Variants in CLIC4 observed in about 807,000 individuals in gnomAD.
CLIC4 encodes the protein chloride intracellular channel protein 4.
CLIC4 carries 13 observed loss-of-function variants against 24.6 expected under a neutral mutation model. The ratio of observed to expected loss-of-function variants is 0.53; its 90% CI spans 0.34 to 0.84. The LOEUF is 0.84. Ranked by LOEUF, CLIC4 falls within the 40% of genes least tolerant of loss-of-function variation. CLIC4 has a pLI of 0.01. For missense variants in CLIC4, 227 were observed against 301.7 expected (o/e 0.75, Z 1.83); for synonymous variants, 104 against 111.3 (o/e 0.93, Z 0.41).
intron 1 of CLIC4, among the ~76,000 whole-genome samples, chr1:24,767,922 C>T (rs1052215691): frequency 1.9e-4 from 29 of 152,064 alleles, no homozygotes; most frequent in African/African-American, 6.7e-4. Flanking sequence ...CGGCTAACTA[C>T]AACCTCTGCC....
In CLIC4 at chr1:24,797,732, T is replaced by C. The variant is rs369903962; in HGVS notation, c.73-10T>C. The C allele has an allele frequency of 4.4e-6, 7 of 1,587,408 alleles. No individual in the cohort carries two copies. The highest frequency in any genetic ancestry group is 6.0e-6 in the Non-Finnish European group (7 of 1,166,628). On this transcript the variant is annotated splice_polypyrimidine_tract_variant and intron_variant, in intron 1 of 5. Coordinates refer to ENST00000374379, the MANE Select transcript of CLIC4 (RefSeq NM_013943.3). Reference sequence around the variant, plus strand: ...TGACCTTGTTTTTAATGTTTAATTCTGTTTTCCAGGCTGGCAGTGATGGTG... The same window carrying C: ...TGACCTTGTTTTTAATGTTTAATTCCGTTTTCCAGGCTGGCAGTGATGGTG...
chr1:24,792,568 A>G (rs1639352798), intron 1 of CLIC4, among the ~76,000 whole-genome samples: 1 of 152,196 alleles, frequency 6.6e-6, no homozygotes, highest in Non-Finnish European at 1.5e-5. Context: ...TTCTGATGCT[A>G]TTAAGACTTT....
Position 24,841,059 on chromosome 1 carries a change from A to T in CLIC4, c.*122A>T. On this transcript the variant is annotated 3_prime_UTR_variant, in exon 6 of 6. Coordinates refer to ENST00000374379, the MANE Select transcript of CLIC4 (RefSeq NM_013943.3). Reference sequence around the variant, plus strand: ...CACGAACATGCAGTTATTGAAGATTAGGATCAAGGATAGACAAGGTATAGT... The same window carrying T: ...CACGAACATGCAGTTATTGAAGATTTGGATCAAGGATAGACAAGGTATAGT... 2.6e-6 allele frequency: 2 copies of T among 755,892 alleles called. No homozygotes were observed. The highest frequency in any genetic ancestry group is 4.2e-6 in the Non-Finnish European group (2 of 475,264). The allele number at this position is 755,892 out of a possible 1,614,324, so 46.8% of individuals were successfully genotyped here.
chr1:24,787,804 C>G (rs1406406352), intron 1 of CLIC4, among the ~76,000 whole-genome samples: 2 of 151,410 alleles, frequency 1.3e-5, no homozygotes, highest in African/African-American at 4.9e-5. Flanking sequence ...TTCGGCCTCC[C>G]AAAGTGCGGG....
chr1:24,826,676 T>A (rs1305176394), intron 3 of CLIC4, among the ~76,000 whole-genome samples: 1 of 152,256 alleles, frequency 6.6e-6, no homozygotes. Context: ...TGGACAGCAC[T>A]GCTCTAGCAA....
At chr1:24,763,636 C>T (rs1359935004) in intron 1 of CLIC4, among the ~76,000 whole-genome samples, 1 of 151,816 alleles carries the variant, frequency 6.6e-6, no homozygotes, top group East Asian at 1.9e-4. Flanking sequence ...AAATTTATCT[C>T]CTACTTCTCC....
intron 1 of CLIC4, among the ~76,000 whole-genome samples, chr1:24,780,858 C>T (rs1259892919): frequency 6.6e-6 from 1 of 151,966 alleles, no homozygotes; most frequent in Non-Finnish European, 1.5e-5. Flanking sequence ...GAGGCAGAGG[C>T]GGGTGGATCA....
chr1:24,775,805 C>G (rs996816260), intron 1 of CLIC4, among the ~76,000 whole-genome samples: 6 of 148,592 alleles, frequency 4.0e-5, no homozygotes, highest in Non-Finnish European at 1.5e-5. Context: ...TCTGGGTCAT[C>G]TTAGGGTAGT....
chr1:24,842,066 G>A lies in CLIC4; in HGVS notation c.*1129G>A, dbSNP rs1335224344. The A allele has an allele frequency of 6.6e-6, 1 of 152,534 alleles. No individual in the cohort carries two copies. The highest frequency in any genetic ancestry group is 2.4e-5 in the African/African-American group (1 of 41,434). The allele number at this position is 152,534 out of a possible 1,614,324, so 9.4% of individuals were successfully genotyped here. ...CATTTCACCCCATTTACCTTGTATA[G>A]AGGATTGTTCATTCCTTTGGGACTA... On this transcript the variant is annotated 3_prime_UTR_variant, in exon 6 of 6. Transcript: ENST00000374379.
At chr1:24,746,015 C>T (rs908468543) in intron 1 of CLIC4, among the ~76,000 whole-genome samples, 1 of 151,216 alleles carries the variant, frequency 6.6e-6, no homozygotes, top group African/African-American at 2.4e-5. Flanking sequence ...CCACCCGCTC[C>T]CCAGCGCTCC....
chr1:24,789,256 G>A (rs1488822120), intron 1 of CLIC4, among the ~76,000 whole-genome samples: 3 of 152,196 alleles, frequency 2.0e-5, no homozygotes, highest in Non-Finnish European at 4.4e-5. Flanking sequence ...GGAGGCTCAC[G>A]CCTGTAATCC....
chr1:24,745,627 T>G lies in CLIC4; in HGVS notation c.72+2T>G. 6.4e-7 allele frequency: 1 copy of G among 1,558,476 alleles called. No homozygotes were observed. The highest frequency in any genetic ancestry group is 8.7e-7 in the Non-Finnish European group (1 of 1,155,426). On this transcript the variant is annotated splice_donor_variant, in intron 1 of 5. Coordinates refer to ENST00000374379, the MANE Select transcript of CLIC4 (RefSeq NM_013943.3). LOFTEE classifies it high-confidence loss of function. ...CCCCTCATCGAGCTCTTCGTCAAGG[T>G]GAGCGCTCGCCTCGCGGTCCCGCCC... is the stretch of plus-strand genomic sequence containing the variant.
chr1:24,821,609 G>A (rs1363472730), intron 3 of CLIC4, among the ~76,000 whole-genome samples: 2 of 152,126 alleles, frequency 1.3e-5, no homozygotes, highest in East Asian at 1.9e-4. Flanking sequence ...GCTGGAATGC[G>A]GTGGTGCAAT....
At chr1:24,840,515 G>A (rs775186296) in intron 5 of CLIC4, among the ~76,000 whole-genome samples, 6 of 152,188 alleles carry the variant, frequency 3.9e-5, no homozygotes, top group Non-Finnish European at 8.8e-5. Context: ...GTATTTTCCA[G>A]TGATTATACT....
chr1:24,766,339 C>T (rs919303917), intron 1 of CLIC4, among the ~76,000 whole-genome samples: 4 of 151,378 alleles, frequency 2.6e-5, no homozygotes. Flanking sequence ...ACCATGTTGG[C>T]GAGGCTGATT....
intron 1 of CLIC4, among the ~76,000 whole-genome samples, chr1:24,757,158 G>A (rs570500566): frequency 2.6e-5 from 4 of 152,038 alleles, no homozygotes; most frequent in South Asian, 2.1e-4. Flanking sequence ...GCCTCCCAAA[G>A]TTCTGGGATT....
chr1:24,806,249 T>C (rs1639549404), intron 2 of CLIC4, among the ~76,000 whole-genome samples: 1 of 152,254 alleles, frequency 6.6e-6, no homozygotes, highest in African/African-American at 2.4e-5. Context: ...AATGAGCCTT[T>C]GTGGGTCAAA....
chr1:24,792,268 G>GCAGTCTTGAACTCCTGGGCTC (rs1226230242), intron 1 of CLIC4, among the ~76,000 whole-genome samples: 2 of 151,866 alleles, frequency 1.3e-5, no homozygotes, highest in Non-Finnish European at 2.9e-5. Context: ...ATGGCTCGCT[G>GCAGTCTTGAACTCCTGGGCTC]CAGTCTTGAA....
chr1:24,831,946 C>G (rs1639845950), intron 4 of CLIC4, among the ~76,000 whole-genome samples: 1 of 152,084 alleles, frequency 6.6e-6, no homozygotes, highest in Non-Finnish European at 1.5e-5. Context: ...GCCATGCATT[C>G]ACTGCCTTTA....
Sources: gnomAD v4.1 joint callset for allele counts (sites outside exome capture counted in the v4.1 genomes callset) on GRCh38, gnomAD v4.1.1 for gene constraint, MANE v1.5 for transcripts, NCBI Gene and HGNC (gene_info 2026-07-23, HGNC 2026-07-21) for gene names.